Variants in OSBPL1A observed in about 807,000 individuals in gnomAD.
OSBPL1A encodes the protein oxysterol binding protein like 1A, also known as oxysterol-binding protein-related protein 1.
Under a neutral mutation model 137.1 loss-of-function variants are expected in OSBPL1A, and 80 were observed. The ratio of observed to expected loss-of-function variants is 0.58; its 90% confidence interval spans 0.49 to 0.70. OSBPL1A has a LOEUF of 0.70. OSBPL1A is among the 30% of genes least tolerant of loss of function. OSBPL1A has a pLI of 0.00. For synonymous variants in OSBPL1A, 365 were observed against 389.7 expected, an observed-to-expected ratio of 0.94 and a Z score of 0.75; for missense variants, 970 against 1,129.4, an observed-to-expected ratio of 0.86 and a Z score of 2.02.
At chr18:24,164,522 G>A (rs1481147106) in intron 27 of OSBPL1A, among the ~76,000 whole-genome samples, 6 of 137,010 alleles carry the variant, frequency 4.4e-5, no homozygotes, top group East Asian at 2.6e-4. Flanking sequence ...TCTGCCTCCC[G>A]GGTTCACGCC....
intron 14 of OSBPL1A, among the ~76,000 whole-genome samples, chr18:24,300,531 T>A (rs1354180917): frequency 6.6e-6 from 1 of 152,102 alleles, no homozygotes; most frequent in Non-Finnish European, 1.5e-5. Context: ...TCAACTACCC[T>A]CAAGGATGGA....
At chr18:24,258,236 G>A (rs1449272110) in intron 15 of OSBPL1A, among the ~76,000 whole-genome samples, 3 of 152,014 alleles carry the variant, frequency 2.0e-5, no homozygotes, top group Admixed American at 6.6e-5. Flanking sequence ...ATCAACAGAT[G>A]GATAAAGAAA....
At position 24,165,062 on chromosome 18, in the gene OSBPL1A, C is replaced by T. The variant is rs780026033; in HGVS notation, c.2750+3G>A. Reference sequence around the variant, plus strand: ...AGCCACACCCCCTGACTCAGGCACGCACCTCGTCTTCCAGTCCTCTTCTGA... The same window carrying T: ...AGCCACACCCCCTGACTCAGGCACGTACCTCGTCTTCCAGTCCTCTTCTGA... On this transcript the variant is annotated splice_donor_region_variant and intron_variant, in intron 27 of 27. Coordinates refer to ENST00000319481, the MANE Select transcript of OSBPL1A (RefSeq NM_080597.4). 12 of 1,614,146 alleles carry T rather than the reference C, an allele frequency of 7.4e-6. No individual in the cohort carries two copies. The South Asian group carries it at 1.3e-4, about 18-fold the overall frequency.
intron 4 of OSBPL1A, among the ~76,000 whole-genome samples, chr18:24,362,778 T>A (rs144120299): frequency 6.6e-6 from 1 of 152,330 alleles, no homozygotes; most frequent in East Asian, 1.9e-4. Flanking sequence ...ACAACTGTTA[T>A]CCTGAAAAAA....
chr18:24,321,715 G>C, intron 7 of OSBPL1A: 1 of 522,472 alleles, frequency 1.9e-6, no homozygotes. Context: ...CCAGAATTGG[G>C]AAAAGCTGGG....
chr18:24,167,200 G>T, intron 25 of OSBPL1A, 129 bp downstream of exon 25: 1 of 777,724 alleles, frequency 1.3e-6, no homozygotes, highest in Non-Finnish European at 2.2e-6. Flanking sequence ...GCACCCGGGA[G>T]CCAGTGGGGG....
chr18:24,276,215 C>T (rs969331241), intron 15 of OSBPL1A, among the ~76,000 whole-genome samples: 5 of 152,138 alleles, frequency 3.3e-5, no homozygotes, highest in Non-Finnish European at 7.4e-5. Flanking sequence ...CATCCTCTGG[C>T]AAGGAAAACT....
At chr18:24,256,002 C>T (rs1348073379) in intron 15 of OSBPL1A, among the ~76,000 whole-genome samples, 1 of 152,080 alleles carries the variant, frequency 6.6e-6, no homozygotes, top group Admixed American at 6.6e-5. Flanking sequence ...GCCATGTTGG[C>T]CAGGCTGGTC....
intron 14 of OSBPL1A, among the ~76,000 whole-genome samples, chr18:24,284,423 C>T (rs1316368680): frequency 2.6e-5 from 4 of 152,038 alleles, no homozygotes; most frequent in East Asian, 1.9e-4. Context: ...GTACTAAAAA[C>T]GTTTTTAAAG....
chr18:24,186,163 T>C (rs1443672797), intron 18 of OSBPL1A, among the ~76,000 whole-genome samples: 1 of 152,142 alleles, frequency 6.6e-6, no homozygotes, highest in Admixed American at 6.5e-5. Flanking sequence ...GAAAATATCA[T>C]AGTCGCAGTC....
Position 24,239,265 on chromosome 18 carries a change from G to A in OSBPL1A, c.1399C>T (p.Pro467Ser), listed in dbSNP as rs752421014. 10 of 1,614,012 alleles carry A rather than the reference G, an allele frequency of 6.2e-6. No individual in the cohort carries two copies. The highest frequency in any genetic ancestry group is 1.3e-5 in the African/African-American group (1 of 74,922). ...TCGTCCTCGCTAAGGATGCTGGCGG[G>A]TGGAGAGCCTTTCACCAGAGACTGC... Reference protein sequence around the residue: ...LEQSLVKGSPPASILSEDEFY... With the variant: ...LEQSLVKGSPSASILSEDEFY... Residue 467 changes from proline to serine, a missense_variant, in exon 16 of 28, where the codon CCC (proline) becomes TCC (serine). By Grantham distance (74) the Pro-to-Ser change is moderately conservative. Around this residue, in one of 2 missense-constraint regions of OSBPL1A, gnomAD observed 647 missense variants for 672.6 expected, o/e 0.96. Coordinates refer to ENST00000319481, the MANE Select transcript of OSBPL1A (RefSeq NM_080597.4).
intron 14 of OSBPL1A, among the ~76,000 whole-genome samples, chr18:24,299,456 T>TAC (rs2090356288): frequency 3.3e-5 from 5 of 152,340 alleles, no homozygotes; most frequent in Middle Eastern, 3.4e-3. Flanking sequence ...AGAGTTTATT[T>TAC]GTCTGAAAAT....
At chr18:24,273,132 T>C (rs1056001116) in intron 15 of OSBPL1A, among the ~76,000 whole-genome samples, 1 of 152,204 alleles carries the variant, frequency 6.6e-6, no homozygotes, top group Non-Finnish European at 1.5e-5. Flanking sequence ...GGTCTCCAAC[T>C]CCTGGCATCA....
intron 2 of OSBPL1A, among the ~76,000 whole-genome samples, chr18:24,371,155 T>A (rs1334317198): frequency 1.3e-5 from 2 of 152,082 alleles, no homozygotes; most frequent in African/African-American, 4.8e-5. Flanking sequence ...AGTTTCTCCA[T>A]AACCACACCC....
In OSBPL1A at chr18:24,280,877, T is replaced by G; in HGVS notation, c.1246A>C (p.Thr416Pro). The change falls in exon 15 of 28, where the codon ACT (threonine) becomes CCT (proline). Residue 416 changes from threonine (T) to proline (P), a missense_variant. This residue lies in a region of OSBPL1A where 647 missense variants were observed against 672.6 expected (regional missense o/e 0.96). Transcript: ENST00000319481. ...EASRETCVAL[T>P]DCLNLFTKQE... The stretch of plus-strand genomic sequence containing the variant: ...TTGGTGAAGAGATTAAGGCAATCAG[T>G]CAAAGCTACACAAGTTTCTCTAGAA... The G allele has an allele frequency of 6.2e-7, 1 of 1,608,462 alleles. No individual in the cohort carries two copies.
intron 7 of OSBPL1A, chr18:24,321,775 A>G: frequency 2.2e-6 from 1 of 463,214 alleles, no homozygotes; most frequent in Non-Finnish European, 4.4e-6. Flanking sequence ...AAAGAAAAAG[A>G]GATGGCATGA....
chr18:24,236,733 G>A (rs1464579386), intron 16 of OSBPL1A, among the ~76,000 whole-genome samples: 1 of 152,118 alleles, frequency 6.6e-6, no homozygotes, highest in African/African-American at 2.4e-5. Context: ...CCTCAGGATC[G>A]TTCTCAACAC....
chr18:24,361,312 C>T (rs1300539101), intron 4 of OSBPL1A, among the ~76,000 whole-genome samples: 1 of 152,184 alleles, frequency 6.6e-6, no homozygotes, highest in African/African-American at 2.4e-5. Flanking sequence ...CAGACATGTG[C>T]CACTATGCCT....
chr18:24,334,155 TA>T, intron 6 of OSBPL1A, 89 bp downstream of exon 6: 2 of 1,038,766 alleles, frequency 1.9e-6, no homozygotes, highest in Non-Finnish European at 2.8e-6. Context: ...ACAATTCAAC[TA>T]AATTATTTAC....
Sources: allele counts gnomAD v4.1 joint callset (sites outside exome capture counted in the v4.1 genomes callset), GRCh38; gene constraint gnomAD v4.1.1; regional missense constraint gnomAD v4.1.1; transcripts MANE v1.5; gene names NCBI Gene and HGNC (gene_info 2026-07-23, HGNC 2026-07-21).